The following OXCT1 variants were observed in gnomAD, a reference collection of about 807,000 sequenced individuals.
The protein encoded by OXCT1 is succinyl-CoA:3-ketoacid coenzyme A transferase 1, mitochondrial.
Under a neutral mutation model 69.6 loss-of-function variants are expected in OXCT1, and 27 were observed. That is an observed-to-expected ratio of 0.39 (90% confidence interval 0.29 to 0.54). The LOEUF is 0.54. Among genes scored for constraint, OXCT1 ranks in the 20% least tolerant of loss-of-function variants. The pLI is 0.72. For synonymous variants in OXCT1, 202 were observed against 217.8 expected (o/e 0.93, Z 0.64); for missense variants, 437 against 650.2 (o/e 0.67, Z 3.57).
intron 13 of OXCT1, among the ~76,000 whole-genome samples, chr5:41,787,505 C>T (rs1187856324): frequency 6.6e-6 from 1 of 151,782 alleles, no homozygotes; most frequent in East Asian, 1.9e-4. Flanking sequence ...GAAAGGAGGT[C>T]ATTATACAGA....
intron 14 of OXCT1, among the ~76,000 whole-genome samples, chr5:41,751,903 G>C (rs550138554): frequency 1.3e-5 from 2 of 152,016 alleles, no homozygotes; most frequent in Non-Finnish European, 2.9e-5. Flanking sequence ...ACATAACACA[G>C]ATCAAGGAAA....
At chr5:41,845,759 C>A (rs11739257) in intron 5 of OXCT1, among the ~76,000 whole-genome samples, 1 of 151,858 alleles carries the variant, frequency 6.6e-6, no homozygotes, top group South Asian at 2.1e-4. Flanking sequence ...AGTATTTATC[C>A]CAAGTTTTCC....
intron 1 of OXCT1, among the ~76,000 whole-genome samples, chr5:41,866,542 A>C (rs1310000112): frequency 6.6e-6 from 1 of 152,162 alleles, no homozygotes; most frequent in Non-Finnish European, 1.5e-5. Context: ...GAGTGGATAC[A>C]CTCACAGACC....
chr5:41,745,284 C>T (rs1743413586), intron 15 of OXCT1, among the ~76,000 whole-genome samples: 2 of 152,010 alleles, frequency 1.3e-5, no homozygotes. Flanking sequence ...AACTGAACAA[C>T]CTGCTCCTGA....
intron 14 of OXCT1, among the ~76,000 whole-genome samples, chr5:41,761,798 C>T (rs1744359678): frequency 6.6e-6 from 1 of 152,098 alleles, no homozygotes; most frequent in Non-Finnish European, 1.5e-5. Flanking sequence ...TCCATACAGA[C>T]ATCTTTTCAC....
intron 15 of OXCT1, among the ~76,000 whole-genome samples, chr5:41,743,628 C>T (rs983878701): frequency 1.3e-5 from 2 of 152,208 alleles, no homozygotes; most frequent in African/African-American, 4.8e-5. Context: ...ACATTTAACT[C>T]TTTAATCCAT....
chr5:41,765,059 G>A (rs188948852), intron 13 of OXCT1, among the ~76,000 whole-genome samples: 51 of 152,062 alleles, frequency 3.4e-4, no homozygotes, highest in Admixed American at 5.2e-4. Flanking sequence ...AAGAAAAGGC[G>A]TTCTATTTAT....
At chr5:41,854,414 A>C (rs1749332926) in intron 3 of OXCT1, among the ~76,000 whole-genome samples, 1 of 152,188 alleles carries the variant, frequency 6.6e-6, no homozygotes, top group Non-Finnish European at 1.5e-5. Context: ...CTAGAATTTA[A>C]AGCAAAGTCA....
chr5:41,734,083 G>C (rs569718744), intron 16 of OXCT1, among the ~76,000 whole-genome samples: 40 of 152,268 alleles, frequency 2.6e-4, no homozygotes, highest in African/African-American at 9.6e-4. Context: ...AACAAACATT[G>C]CTTTTACTAG....
intron 12 of OXCT1, 45 bp downstream of exon 12, chr5:41,794,632 T>G: frequency 1.3e-6 from 2 of 1,541,072 alleles, no homozygotes; most frequent in East Asian, 2.2e-5. Context: ...ATGACTCAGC[T>G]CATTCCATAC....
rs115613922 is a variant in OXCT1, at chr5:41,803,017, A to G, written c.1050+52T>C. The G allele has an allele frequency of 4.7e-4, 589 of 1,251,708 alleles. 1 individual carries two copies. Among genetic ancestry groups the G allele is most frequent in the African/African-American group, 3.3e-3 (226 of 67,628 alleles). The allele number at this position is 1,251,708 out of a possible 1,614,324, so 77.5% of individuals were successfully genotyped here. On this transcript the variant is annotated intron_variant, in intron 10 of 16. Coordinates refer to ENST00000196371, the MANE Select transcript of OXCT1 (RefSeq NM_000436.4). ...TTAATAAAAAATTTCACAACATGAA[A>G]TATCTCATTCTTCATTAAGACTGGA...
chr5:41,846,197 T>C (rs1024176493), intron 5 of OXCT1, among the ~76,000 whole-genome samples: 2 of 151,064 alleles, frequency 1.3e-5, no homozygotes, highest in South Asian at 4.2e-4. Context: ...TAGTTACATA[T>C]GTATACATGT....
intron 16 of OXCT1, among the ~76,000 whole-genome samples, chr5:41,735,451 T>C (rs555804563): frequency 6.6e-6 from 1 of 152,210 alleles, no homozygotes; most frequent in Admixed American, 6.5e-5. Flanking sequence ...GTGGAATTAG[T>C]GTTTAATGAG....
chr5:41,817,613 C>CTTGT (rs1747313839), intron 7 of OXCT1, among the ~76,000 whole-genome samples: 2 of 152,304 alleles, frequency 1.3e-5, no homozygotes, highest in South Asian at 4.1e-4. Flanking sequence ...CCCCTCTGTA[C>CTTGT]TTGTGTACTT....
intron 14 of OXCT1, among the ~76,000 whole-genome samples, chr5:41,755,234 TAA>T (rs1010163634): frequency 2.6e-5 from 4 of 152,090 alleles, no homozygotes; most frequent in African/African-American, 9.7e-5. Context: ...TAACACATTT[TAA>T]AGAGTTTTAC....
chr5:41,793,137 CA>C (rs1178044136), intron 13 of OXCT1, among the ~76,000 whole-genome samples: 15 of 152,174 alleles, frequency 9.9e-5, no homozygotes. Context: ...CCACCTTCCT[CA>C]AAAAATTATT....
At chr5:41,742,400 T>C (rs907983140) in intron 15 of OXCT1, among the ~76,000 whole-genome samples, 5 of 152,244 alleles carry the variant, frequency 3.3e-5, no homozygotes, top group African/African-American at 1.2e-4. Context: ...AATTACTTTA[T>C]CACCGTGACA....
intron 7 of OXCT1, among the ~76,000 whole-genome samples, chr5:41,835,851 G>A (rs1748330278): frequency 6.6e-6 from 1 of 152,052 alleles, no homozygotes; most frequent in African/African-American, 2.4e-5. Context: ...GACAGCACGT[G>A]CATGCCAGGC....
At chr5:41,847,549 G>T (rs552880639) in intron 5 of OXCT1, among the ~76,000 whole-genome samples, 3 of 151,264 alleles carry the variant, frequency 2.0e-5, no homozygotes, top group Admixed American at 6.6e-5. Context: ...CTGGCAAACC[G>T]AATCCAGCAG....
Sources: gnomAD v4.1 joint callset for allele counts (sites outside exome capture counted in the v4.1 genomes callset) on GRCh38, gnomAD v4.1.1 for gene constraint, MANE v1.5 for transcripts, NCBI Gene and HGNC (gene_info 2026-07-23, HGNC 2026-07-21) for gene names.